The following RYR3 variants were observed in gnomAD, a reference collection of about 807,000 sequenced individuals.
RYR3 encodes the protein brain ryanodine receptor-calcium release channel.
In RYR3, 207 loss-of-function variants were observed where a neutral mutation model predicts 584.3. The observed-to-expected ratio is 0.35, with a 90% CI of 0.32 to 0.40. RYR3 has a LOEUF of 0.40. Ranked by LOEUF, RYR3 falls within the 10% of genes least tolerant of loss-of-function variation. RYR3 has a pLI of 1.00. For synonymous variants in RYR3, 2,416 were observed against 2,248.5 expected (o/e 1.07, Z -2.11); for missense variants, 5,616 against 6,089.2 (o/e 0.92, Z 2.59).
At chr15:33,413,688 C>A (rs2043572484) in intron 1 of RYR3, among the ~76,000 whole-genome samples, 1 of 152,188 alleles carries the variant, frequency 6.6e-6, no homozygotes, top group Non-Finnish European at 1.5e-5. Context: ...CCTGGTGCCC[C>A]CATGCTGTGC....
rs5811787 is a variant in RYR3 at position 33,704,281 on chromosome 15, C to CAA, written c.6484-2624_6484-2623dup. On this transcript the variant is annotated intron_variant, in intron 42 of 103. Transcript: ENST00000634891. Reference sequence around the variant, plus strand: ...TGGGTGACAGAGCGAGACTCCGTCTCAAAAAAAAAAAAAAAGAAAGAAAAA... The same window carrying CAA: ...TGGGTGACAGAGCGAGACTCCGTCTCAAAAAAAAAAAAAAAAAGAAAGAAAAA... Among the ~76,000 whole-genome samples the CAA allele has an allele frequency of 1.4e-3, 160 of 113,764 alleles. 2 individuals are homozygous for CAA. The highest frequency in any genetic ancestry group is 0.013 in the East Asian group (58 of 4,574). The allele number at this position is 113,764 out of a possible 152,430, so 74.6% of individuals were successfully genotyped here.
intron 1 of RYR3, among the ~76,000 whole-genome samples, chr15:33,428,725 A>T (rs1273654190): frequency 6.6e-6 from 1 of 151,612 alleles, no homozygotes; most frequent in Non-Finnish European, 1.5e-5. Context: ...AAGTTAGAGG[A>T]TTTTTTTTTC....
At chr15:33,696,169 C>T (rs761664959) in intron 38 of RYR3, 49 bp from the exon 39 acceptor site, 3 of 1,567,902 alleles carry the variant, frequency 1.9e-6, no homozygotes, top group South Asian at 1.2e-5. Flanking sequence ...ACCCAGCTCT[C>T]CCTGAGCCAT....
At position 33,853,584 on chromosome 15, in the gene RYR3, A is replaced by G; in HGVS notation, c.13701A>G (p.Gly4567=). 1 of 1,613,948 alleles carries G rather than the reference A, an allele frequency of 6.2e-7. No individual in the cohort carries two copies. Among genetic ancestry groups the G allele is most frequent in the Admixed American group, 1.7e-5 (1 of 60,006 alleles). ...KVINKYGDLY[G]AERIAELLGL... is the part of the protein sequence containing the mutation. ...TCAACAAGTATGGAGATCTCTACGG[A>G]GCAGAACGCATTGCTGAACTTCTGG... is the stretch of plus-strand genomic sequence containing the variant. The change falls in exon 96 of 104, where the codon GGA becomes GGG. Residue 4567 remains glycine, a synonymous_variant. Coordinates refer to ENST00000634891, the MANE Select transcript of RYR3 (RefSeq NM_001036.6).
intron 42 of RYR3, among the ~76,000 whole-genome samples, chr15:33,706,220 T>C (rs1255107404): frequency 6.6e-6 from 1 of 152,250 alleles, no homozygotes; most frequent in African/African-American, 2.4e-5. Flanking sequence ...AATTTTATTG[T>C]GTTAAAATAC....
intron 1 of RYR3, among the ~76,000 whole-genome samples, chr15:33,365,848 C>T (rs528830779): frequency 6.6e-6 from 1 of 152,272 alleles, no homozygotes; most frequent in Middle Eastern, 3.4e-3. Context: ...TATATATATA[C>T]AGCCTTTTAC....
At chr15:33,794,349 A>ACATATATAACATATATATATGTG (rs1491104139) in intron 67 of RYR3, among the ~76,000 whole-genome samples, 4 of 102,472 alleles carry the variant, frequency 3.9e-5, no homozygotes, top group Admixed American at 2.1e-4. Context: ...ATATATAAAA[A>ACATATATAACATATATATATGTG]TATATATATA....
At position 33,599,994 on chromosome 15, in the gene RYR3, T is replaced by A. The variant is rs530331663; in HGVS notation, c.1789-1425T>A. Among the ~76,000 whole-genome samples the A allele has an allele frequency of 4.9e-4, 75 of 152,312 alleles. 1 individual carries two copies. Among genetic ancestry groups the A allele is most frequent in the African/African-American group, 1.8e-3 (73 of 41,576 alleles). On this transcript the variant is annotated intron_variant, in intron 16 of 103. Transcript: ENST00000634891. ...AGCCATCACTCCAAGGCAAAACAGATGAAATGTGTAATAGGCCGACTGAAA... is the reference window on the plus strand; with the variant it reads ...AGCCATCACTCCAAGGCAAAACAGAAGAAATGTGTAATAGGCCGACTGAAA...
At chr15:33,756,830 C>G (rs1465113355) in intron 59 of RYR3, among the ~76,000 whole-genome samples, 3 of 151,948 alleles carry the variant, frequency 2.0e-5, no homozygotes, top group Non-Finnish European at 4.4e-5. Context: ...CATATGGTAC[C>G]CTCTTCTGGT....
chr15:33,317,124 C>T (rs555953732), intron 1 of RYR3, among the ~76,000 whole-genome samples: 6 of 152,294 alleles, frequency 3.9e-5, no homozygotes, highest in Non-Finnish European at 7.4e-5. Context: ...CCCATAGGAC[C>T]GCCTTTTCTT....
chr15:33,614,835 T>C (rs1339514097), intron 19 of RYR3, among the ~76,000 whole-genome samples: 1 of 152,106 alleles, frequency 6.6e-6, no homozygotes, highest in African/African-American at 2.4e-5. Flanking sequence ...AAAAGGAATG[T>C]ACATCAAAGA....
At chr15:33,587,972 G>A (rs189751671) in intron 16 of RYR3, among the ~76,000 whole-genome samples, 86 of 152,252 alleles carry the variant, frequency 5.6e-4, no homozygotes, top group African/African-American at 1.9e-3. Context: ...AGAATTTCAG[G>A]AGTCTCTGAC....
chr15:33,864,256 C>T, intron 103 of RYR3, 67 bp downstream of exon 103: 1 of 1,243,002 alleles, frequency 8.0e-7, no homozygotes, highest in Non-Finnish European at 1.1e-6. Context: ...CTTAGTAGGG[C>T]ATAGGTTATC....
At chr15:33,608,573 T>C (rs957991618) in intron 18 of RYR3, among the ~76,000 whole-genome samples, 1 of 152,238 alleles carries the variant, frequency 6.6e-6, no homozygotes, top group African/African-American at 2.4e-5. Flanking sequence ...ATGGGCTCTC[T>C]TATCCAAATA....
At chr15:33,585,891 G>T in intron 15 of RYR3, 107 bp from the exon 16 acceptor site, 1 of 653,354 alleles carries the variant, frequency 1.5e-6, no homozygotes, top group Non-Finnish European at 2.8e-6. Flanking sequence ...AAGAATTGAC[G>T]ATATCCTGTC....
intron 1 of RYR3, among the ~76,000 whole-genome samples, chr15:33,396,288 G>A (rs1045638433): frequency 2.6e-5 from 4 of 152,096 alleles, no homozygotes; most frequent in Admixed American, 2.0e-4. Context: ...AATATATCCC[G>A]TCTGTGTGAG....
At chr15:33,389,206 G>A (rs1814871) in intron 1 of RYR3, among the ~76,000 whole-genome samples, 120,371 of 151,800 alleles carry the variant, frequency 0.79, 47,986 homozygotes, top group African/African-American at 0.86. Flanking sequence ...GTGCACATGT[G>A]CCCTAAAACT....
chr15:33,400,137 C>G (rs183523167), intron 1 of RYR3, among the ~76,000 whole-genome samples: 1 of 152,136 alleles, frequency 6.6e-6, no homozygotes, highest in Admixed American at 6.5e-5. Context: ...TGTATATATC[C>G]TTTTGTGTCT....
intron 80 of RYR3, 119 bp downstream of exon 80, chr15:33,821,721 C>A: frequency 1.1e-6 from 1 of 906,500 alleles, no homozygotes; most frequent in South Asian, 1.5e-5. Context: ...TCACTTAGCT[C>A]ACGTTTGTCC....
Sources: gnomAD v4.1 joint callset for allele counts (sites outside exome capture counted in the v4.1 genomes callset) on GRCh38, gnomAD v4.1.1 for gene constraint, MANE v1.5 for transcripts, NCBI Gene and HGNC (gene_info 2026-07-23, HGNC 2026-07-21) for gene names.